Variants in TANC2 observed in about 807,000 individuals in gnomAD.
TANC2 encodes the protein protein TANC2.
In TANC2, 26 loss-of-function variants were observed where a neutral mutation model predicts 210.5. The observed-to-expected ratio is 0.12, with a 90% confidence interval of 0.09 to 0.17. The LOEUF (loss-of-function observed/expected upper bound fraction) is 0.17. Ranked by LOEUF, TANC2 falls within the 10% of genes least tolerant of loss-of-function variation. The pLI is 1.00. For synonymous variants in TANC2, 931 were observed against 967.1 expected (o/e 0.96, Z 0.69); for missense variants, 2,129 against 2,608.9 (o/e 0.82, Z 4.01).
chr17:63,018,323 C>T (rs540371034), intron 2 of TANC2, among the ~76,000 whole-genome samples: 1 of 151,668 alleles, frequency 6.6e-6, no homozygotes, highest in South Asian at 2.1e-4. Context: ...AAACCCGTCT[C>T]TACTAAAAAT....
chr17:63,353,279 A>G (rs2046674922), intron 13 of TANC2, among the ~76,000 whole-genome samples: 1 of 152,164 alleles, frequency 6.6e-6, no homozygotes, highest in Admixed American at 6.6e-5. Context: ...TGTGGGTGTC[A>G]GCAAGAGAGA....
At chr17:63,407,705 T>C (rs773168404) in intron 21 of TANC2, among the ~76,000 whole-genome samples, 11 of 152,212 alleles carry the variant, frequency 7.2e-5, no homozygotes, top group Middle Eastern at 3.2e-3. Context: ...AAAGGGTCTA[T>C]AATGTGGCAG....
At chr17:63,011,309 A>G (rs1344942015) in intron 2 of TANC2, among the ~76,000 whole-genome samples, 3 of 151,924 alleles carry the variant, frequency 2.0e-5, no homozygotes, top group Non-Finnish European at 4.4e-5. Context: ...CAGAAAATCT[A>G]TTCTGTATTA....
At chr17:63,236,501 CTG>C (rs1482266921) in intron 7 of TANC2, among the ~76,000 whole-genome samples, 3 of 152,012 alleles carry the variant, frequency 2.0e-5, no homozygotes, top group African/African-American at 4.8e-5. Context: ...TTTAAATTCA[CTG>C]TTTAAATTTT....
chr17:63,148,629 C>G (rs960759525), intron 4 of TANC2: 4 of 152,194 alleles, frequency 2.6e-5, no homozygotes, highest in African/African-American at 9.7e-5. Context: ...TCTGTTATCT[C>G]TTACATCACA....
chr17:62,973,328 G>A (rs991233398), intron 1 of TANC2, among the ~76,000 whole-genome samples: 9 of 152,070 alleles, frequency 5.9e-5, no homozygotes, highest in Non-Finnish European at 8.8e-5. Flanking sequence ...CACCATACCC[G>A]GCCGTAACAT....
Position 63,412,313 on chromosome 17 carries a change from A to G in TANC2, c.3898+183A>G, listed in dbSNP as rs2048729110. 6.6e-6 allele frequency among the ~76,000 whole-genome samples: 1 copy of G among 152,194 alleles called. No homozygotes were observed. Among genetic ancestry groups the G allele is most frequent in the South Asian group, 2.1e-4 (1 of 4,822 alleles). ...AAGCGCCATCTGAGCCATGGTCTGC[A>G]GTCCCCTGTGTCCAGAACCACGTGG... On this transcript the variant is annotated intron_variant, in intron 23 of 27. Coordinates refer to ENST00000689528, the Ensembl canonical transcript of TANC2. This position sits in a 1 kb window ranked among gnomAD's most constrained non-coding sequence, Gnocchi z 4.2.
At chr17:63,255,422 A>G (rs2043166320) in intron 8 of TANC2, among the ~76,000 whole-genome samples, 2 of 152,122 alleles carry the variant, frequency 1.3e-5, no homozygotes, top group East Asian at 1.9e-4. Flanking sequence ...TGTTTGGTAG[A>G]ATCCAGCGGT....
intron 11 of TANC2, among the ~76,000 whole-genome samples, chr17:63,333,175 T>C (rs1262995601): frequency 1.3e-5 from 2 of 152,212 alleles, no homozygotes. Flanking sequence ...CTCCCATAGA[T>C]AATGATTGTT....
At chr17:62,998,461 C>T (rs2033220041) in intron 1 of TANC2, among the ~76,000 whole-genome samples, 1 of 152,090 alleles carries the variant, frequency 6.6e-6, no homozygotes, top group Non-Finnish European at 1.5e-5. Flanking sequence ...TCATCAGATC[C>T]TCCAAGGTTG....
At chr17:63,079,968 G>A (rs1011653923) in intron 3 of TANC2, among the ~76,000 whole-genome samples, 11 of 152,146 alleles carry the variant, frequency 7.2e-5, no homozygotes, top group Non-Finnish European at 1.5e-4. Flanking sequence ...AACTGATTGT[G>A]TTAGTTTAAC....
intron 11 of TANC2, among the ~76,000 whole-genome samples, chr17:63,331,484 A>G (rs1319034248): frequency 6.6e-6 from 1 of 152,192 alleles, no homozygotes; most frequent in African/African-American, 2.4e-5. Context: ...TCAACCACAA[A>G]TCTATTAGAT....
At chr17:63,357,911 A>G (rs181020072) in intron 14 of TANC2, among the ~76,000 whole-genome samples, 1 of 152,314 alleles carries the variant, frequency 6.6e-6, no homozygotes, top group Admixed American at 6.5e-5. Context: ...AGCATCTTTC[A>G]GTAGATCAAA....
rs1385933885 is a variant in TANC2, at chr17:63,138,166, C to T, written c.323-13104C>T. On this transcript the variant is annotated intron_variant, in intron 4 of 27. Coordinates refer to ENST00000689528, the Ensembl canonical transcript of TANC2. ...AGACCCTTCCCCCTCCCACCCCCTG[C>T]GTCTCTGGATGCAGAGAATCCAACA... 5.9e-5 allele frequency among the ~76,000 whole-genome samples: 9 copies of T among 152,108 alleles called. No homozygotes were observed. The South Asian group carries it at 1.4e-3, about 24-fold the overall frequency.
intron 8 of TANC2, among the ~76,000 whole-genome samples, chr17:63,245,035 A>G (rs2042878458): frequency 6.6e-6 from 1 of 152,168 alleles, no homozygotes; most frequent in Admixed American, 6.5e-5. Flanking sequence ...CTTTATTAGC[A>G]GTGTGAAAAT....
Position 63,340,257 on chromosome 17 carries a change from C to G in TANC2, c.1732C>G (p.Leu578Val), listed in dbSNP as rs759037186. The change falls in exon 12 of 28, where the codon CTT becomes GTT. Residue 578 changes from leucine to valine, a missense_variant. Around this residue, in one of 5 missense-constraint regions of TANC2, gnomAD observed 739 missense variants for 848.0 expected, o/e 0.87. Transcript: ENST00000689528. ...ACCTCACCTGCAGAGCATGCTGAGCCTTCGTTCCTGTGTTCAAGACCCCAT... is the reference window on the plus strand; with the variant it reads ...ACCTCACCTGCAGAGCATGCTGAGCGTTCGTTCCTGTGTTCAAGACCCCAT... 1.9e-6 allele frequency: 3 copies of G among 1,613,954 alleles called. No individual in the cohort carries two copies. The South Asian group carries it at 3.3e-5, about 18-fold the overall frequency.
At chr17:63,393,640 A>G (rs1244545633) in intron 17 of TANC2, 1 of 152,104 alleles carries the variant, frequency 6.6e-6, no homozygotes, top group Non-Finnish European at 1.5e-5. Context: ...TTCCTTTTGT[A>G]ATTAAGAAAT....
chr17:63,166,509 T>C lies in TANC2; in HGVS notation c.433+15129T>C, dbSNP rs145209715. Among the ~76,000 whole-genome samples the C allele has an allele frequency of 3.8e-3, 582 of 152,334 alleles. 10 individuals are homozygous for C. The highest frequency in any genetic ancestry group is 0.036 in the Admixed American group (547 of 15,304). ...GCATAGATTTCTATAAAACTTATAT[T>C]CTTTATTAGCTTCTGCTAGGAGTCC... On this transcript the variant is annotated intron_variant, in intron 5 of 27. Transcript: ENST00000689528.
At chr17:63,288,264 G>C (rs1427419470) in intron 9 of TANC2, among the ~76,000 whole-genome samples, 8 of 152,158 alleles carry the variant, frequency 5.3e-5, no homozygotes, top group Non-Finnish European at 1.5e-5. Flanking sequence ...TCAAGTAAGG[G>C]AATGTGTCAG....
Sources: gnomAD v4.1 joint callset for allele counts (sites outside exome capture counted in the v4.1 genomes callset) on GRCh38, gnomAD v4.1.1 for gene constraint, gnomAD v4.1.1 regional missense constraint, Gnocchi (gnomAD v3.1) non-coding constraint, MANE v1.5 for transcripts, NCBI Gene and HGNC (gene_info 2026-07-23, HGNC 2026-07-21) for gene names.